The following GPC5 variants were observed in gnomAD, a reference collection of about 807,000 sequenced individuals.
The protein encoded by GPC5 is glypican-5.
GPC5 carries 47 observed loss-of-function variants against 53.9 expected under a neutral mutation model. The ratio of observed to expected loss-of-function variants is 0.87; its 90% CI spans 0.69 to 1.11. GPC5 has a LOEUF of 1.11. Among genes scored for constraint, GPC5 ranks in the 50% most tolerant of loss-of-function variants. The pLI, the probability that GPC5 is intolerant of heterozygous loss-of-function variation, is 0.00. For synonymous variants in GPC5, 286 were observed against 263.3 expected, an observed-to-expected ratio of 1.09 and a Z score of -0.84; for missense variants, 748 against 713.1, an observed-to-expected ratio of 1.05 and a Z score of -0.56.
rs111905797 is a variant in GPC5 at position 92,335,815 on chromosome 13, C to T, written c.1561+190826C>T. ...CCATCTGAGACGACCTTAGCCTGGA[C>T]TTTTTTGTCCATATCACCTCAGCAT... is the stretch of plus-strand genomic sequence containing the variant. On this transcript the variant is annotated intron_variant, in intron 7 of 7. Coordinates refer to ENST00000377067, the MANE Select transcript of GPC5 (RefSeq NM_004466.6). Among the ~76,000 whole-genome samples, 97 of 152,272 alleles carry T rather than the reference C, an allele frequency of 6.4e-4. 1 individual carries two copies. In the East Asian group the frequency reaches 0.015, roughly 24 times the overall value.
chr13:91,415,621 G>A (rs1878157492), intron 1 of GPC5, among the ~76,000 whole-genome samples: 1 of 151,828 alleles, frequency 6.6e-6, no homozygotes, highest in African/African-American at 2.4e-5. Flanking sequence ...TGACCAATCT[G>A]AGTTCAAATT....
At chr13:91,978,906 T>C (rs1194879074) in intron 6 of GPC5, among the ~76,000 whole-genome samples, 3 of 152,182 alleles carry the variant, frequency 2.0e-5, no homozygotes, top group Non-Finnish European at 4.4e-5. Flanking sequence ...GGAAGATTTA[T>C]GATCCATTTT....
At chr13:92,866,129 T>C (rs1348027024) in intron 7 of GPC5, among the ~76,000 whole-genome samples, 153 bp from the exon 8 acceptor site, 2 of 152,176 alleles carry the variant, frequency 1.3e-5, no homozygotes, top group East Asian at 3.8e-4. Flanking sequence ...AGGACAGAAA[T>C]ACCTGTGTCA....
chr13:92,013,170 T>C (rs1234955385), intron 6 of GPC5, among the ~76,000 whole-genome samples: 1 of 152,138 alleles, frequency 6.6e-6, no homozygotes, highest in Non-Finnish European at 1.5e-5. Context: ...ATACCTGCAA[T>C]TGGTGGCTCC....
intron 6 of GPC5, among the ~76,000 whole-genome samples, chr13:91,963,395 C>T (rs2040145046): frequency 6.6e-6 from 1 of 152,148 alleles, no homozygotes; most frequent in Non-Finnish European, 1.5e-5. Flanking sequence ...TCTACATGTT[C>T]TCTTACAGAA....
chr13:92,804,240 C>A (rs777413472), intron 7 of GPC5, among the ~76,000 whole-genome samples: 2 of 151,886 alleles, frequency 1.3e-5, no homozygotes, highest in Non-Finnish European at 2.9e-5. Context: ...TATTAAGAGG[C>A]AGCAAGCACC....
At chr13:91,673,989 C>T (rs2035310076) in intron 2 of GPC5, among the ~76,000 whole-genome samples, 1 of 152,120 alleles carries the variant, frequency 6.6e-6, no homozygotes, top group African/African-American at 2.4e-5. Flanking sequence ...TAACAGATGT[C>T]CCAGACTAAT....
At chr13:92,249,007 AT>A (rs1488977362) in intron 7 of GPC5, among the ~76,000 whole-genome samples, 1 of 100,908 alleles carries the variant, frequency 9.9e-6, no homozygotes, top group Non-Finnish European at 2.2e-5. Flanking sequence ...GATATTTCAT[AT>A]TTAAAAAATA....
chr13:92,175,939 C>A (rs2042106277), intron 7 of GPC5, among the ~76,000 whole-genome samples: 2 of 152,142 alleles, frequency 1.3e-5, no homozygotes, highest in South Asian at 4.1e-4. Flanking sequence ...TCTGTTCCTA[C>A]TTTTTAGGTT....
At chr13:91,734,195 T>C (rs1356330738) in intron 4 of GPC5, among the ~76,000 whole-genome samples, 1 of 151,354 alleles carries the variant, frequency 6.6e-6, no homozygotes, top group South Asian at 2.1e-4. Flanking sequence ...TTGTGGTAGA[T>C]AAGTTTTTCA....
At chr13:92,268,868 A>G (rs1002832184) in intron 7 of GPC5, among the ~76,000 whole-genome samples, 1 of 152,064 alleles carries the variant, frequency 6.6e-6, no homozygotes, top group Non-Finnish European at 1.5e-5. Flanking sequence ...TGACAATTTT[A>G]TGATTCATGT....
At chr13:92,778,868 T>C (rs1318993052) in intron 7 of GPC5, among the ~76,000 whole-genome samples, 1 of 152,202 alleles carries the variant, frequency 6.6e-6, no homozygotes, top group Admixed American at 6.5e-5. Context: ...GTCACTTGTT[T>C]CTGTATGTAC....
At chr13:91,992,264 C>A (rs2040463824) in intron 6 of GPC5, among the ~76,000 whole-genome samples, 1 of 152,040 alleles carries the variant, frequency 6.6e-6, no homozygotes, top group African/African-American at 2.4e-5. Context: ...ATCTCATGGC[C>A]TCAATCCATC....
chr13:91,825,037 A>T (rs1327241170), intron 5 of GPC5, among the ~76,000 whole-genome samples: 3 of 152,052 alleles, frequency 2.0e-5, no homozygotes, highest in African/African-American at 7.2e-5. Flanking sequence ...TCAACCATGA[A>T]ATTATACTGT....
intron 7 of GPC5, among the ~76,000 whole-genome samples, chr13:92,592,314 G>C (rs1883738310): frequency 6.6e-6 from 1 of 152,100 alleles, no homozygotes; most frequent in Admixed American, 6.6e-5. Context: ...AGATGCAACT[G>C]ATCAGATGAA....
rs1190169532 is a variant in GPC5 at position 92,125,924 on chromosome 13, G to GTTTTTTTTTTTTTTTTTTTT, written c.1402-18876_1402-18857dup. On this transcript the variant is annotated intron_variant, in intron 6 of 7. Coordinates refer to ENST00000377067, the MANE Select transcript of GPC5 (RefSeq NM_004466.6). Reference sequence around the variant, plus strand: ...TTAGAAAGGAAACATTTGTTTTTTGGTTTTTTTTTTTTTTTTTTTTTTTTT... The same window carrying GTTTTTTTTTTTTTTTTTTTT: ...TTAGAAAGGAAACATTTGTTTTTTGGTTTTTTTTTTTTTTTTTTTTTTTTTTTTTTTTTTTTTTTTTTTTT... 5.3e-5 allele frequency among the ~76,000 whole-genome samples: 4 copies of GTTTTTTTTTTTTTTTTTTTT among 75,816 alleles called. 1 individual carries two copies. The highest frequency in any genetic ancestry group is 2.1e-4 in the African/African-American group (4 of 18,952). The allele number at this position is 75,816 out of a possible 152,430, so 49.7% of individuals were successfully genotyped here.
rs78810321 is a variant in GPC5, at chr13:92,098,894, T to C, written c.1402-45936T>C. On this transcript the variant is annotated intron_variant, in intron 6 of 7. Coordinates refer to ENST00000377067, the MANE Select transcript of GPC5 (RefSeq NM_004466.6). ...AGAAATGTAAGCTAATACTTTACTA[T>C]TAAACCACTAAACTTCTGGTAACTT... Among the ~76,000 whole-genome samples, 860 of 152,118 alleles carry C rather than the reference T, an allele frequency of 5.7e-3. 6 individuals carry two copies. The highest frequency in any genetic ancestry group is 0.014 in the Middle Eastern group (4 of 292).
At chr13:92,116,204 G>C (rs2041599492) in intron 6 of GPC5, among the ~76,000 whole-genome samples, 1 of 152,074 alleles carries the variant, frequency 6.6e-6, no homozygotes, top group Non-Finnish European at 1.5e-5. Flanking sequence ...AGCCATGATT[G>C]TACCACTGAA....
At chr13:91,573,728 T>G (rs2032029878) in intron 2 of GPC5, among the ~76,000 whole-genome samples, 2 of 152,152 alleles carry the variant, frequency 1.3e-5, no homozygotes, top group Non-Finnish European at 2.9e-5. Flanking sequence ...CATTTTACAG[T>G]CTTGGACACT....
Sources: gnomAD v4.1 joint callset for allele counts (sites outside exome capture counted in the v4.1 genomes callset) on GRCh38, gnomAD v4.1.1 for gene constraint, MANE v1.5 for transcripts, NCBI Gene and HGNC (gene_info 2026-07-23, HGNC 2026-07-21) for gene names.